The following CACNA1C variants were observed in gnomAD, a reference collection of about 807,000 sequenced individuals.
CACNA1C encodes the protein voltage-dependent L-type calcium channel subunit alpha-1C.
CACNA1C carries 30 observed loss-of-function variants against 229.0 expected under a neutral mutation model. The observed-to-expected ratio is 0.13, with a 90% CI of 0.10 to 0.18. The LOEUF (loss-of-function observed/expected upper bound fraction) is 0.18, where lower values mean the gene tolerates loss of function less well. Among genes scored for constraint, CACNA1C ranks in the 10% least tolerant of loss-of-function variants. The pLI is 1.00. For missense variants in CACNA1C, 1,658 were observed against 2,845.0 expected (o/e 0.58, Z 9.49); for synonymous variants, 1,114 against 1,132.5 (o/e 0.98, Z 0.33).
At chr12:2,365,401 G>A (rs544303411) in intron 3 of CACNA1C, among the ~76,000 whole-genome samples, 7 of 152,156 alleles carry the variant, frequency 4.6e-5, no homozygotes, top group Non-Finnish European at 1.0e-4. Flanking sequence ...TTTTATTAAG[G>A]CACTGAGGGG....
chr12:2,605,049 A>C lies in CACNA1C; in HGVS notation c.2961-32A>C. The stretch of plus-strand genomic sequence containing the variant: ...TTTTGCTCCCCCCAGAAACAGGAGG[A>C]GCTTACTACCCTGCCTGTTTCCCTC... On this transcript the variant is annotated intron_variant, in intron 22 of 46. Coordinates refer to ENST00000399655, the MANE Select transcript of CACNA1C (RefSeq NM_000719.7). The surrounding 1 kb of genome is among the most constrained non-coding windows in gnomAD (Gnocchi z 6.2). 1 of 1,532,328 alleles carries C rather than the reference A, an allele frequency of 6.5e-7. No individual in the cohort carries two copies. Among genetic ancestry groups the C allele is most frequent in the Non-Finnish European group, 9.0e-7 (1 of 1,105,528 alleles). 94.9% of individuals were successfully genotyped at this position (1,532,328 alleles called of 1,614,324 possible). A position where few individuals can be genotyped will look rare whatever the true frequency, so the allele number is the denominator to read the frequency against.
At chr12:2,248,809 T>C (rs1267982061) in intron 3 of CACNA1C, among the ~76,000 whole-genome samples, 1 of 152,250 alleles carries the variant, frequency 6.6e-6, no homozygotes, top group African/African-American at 2.4e-5. Flanking sequence ...GGTTCTATTA[T>C]GGCTCTAATA....
intron 3 of CACNA1C, among the ~76,000 whole-genome samples, chr12:2,236,672 A>C (rs2067504351): frequency 6.6e-6 from 1 of 152,170 alleles, no homozygotes; most frequent in Admixed American, 6.5e-5. Flanking sequence ...AGCAGTGTGC[A>C]AGGGATCAGA....
chr12:2,332,599 T>G (rs1192608299), intron 3 of CACNA1C, among the ~76,000 whole-genome samples: 1 of 152,208 alleles, frequency 6.6e-6, no homozygotes, highest in Non-Finnish European at 1.5e-5. Flanking sequence ...TATGCACAAG[T>G]ATCTTATGAC....
chr12:2,136,122 G>A (rs564679173), intron 3 of CACNA1C, among the ~76,000 whole-genome samples: 5 of 151,126 alleles, frequency 3.3e-5, no homozygotes, highest in Admixed American at 1.3e-4. Flanking sequence ...CTCCCTGACC[G>A]CTTGCGCTTC....
intron 3 of CACNA1C, among the ~76,000 whole-genome samples, chr12:2,420,148 T>TGTGTGTGTGTGTGTGTGTGTGTGTGTGG (rs58661833): frequency 8.0e-6 from 1 of 125,746 alleles, no homozygotes; most frequent in African/African-American, 2.7e-5. Context: ...TGTGTGTGTG[T>TGTGTGTGTGTGTGTGTGTGTGTGTGTGG]AGGGGGAGGG....
intron 3 of CACNA1C, among the ~76,000 whole-genome samples, chr12:2,153,873 T>A (rs1053777832): frequency 1.3e-5 from 2 of 152,242 alleles, no homozygotes; most frequent in Non-Finnish European, 2.9e-5. Flanking sequence ...ATATTAACTG[T>A]CTCAGAGAAG....
chr12:2,022,162 C>A (rs1194070549), intron 1 of CACNA1C, among the ~76,000 whole-genome samples: 2 of 152,110 alleles, frequency 1.3e-5, no homozygotes. Context: ...TTGACAGGGT[C>A]CCAGCATGAG....
intron 29 of CACNA1C, among the ~76,000 whole-genome samples, chr12:2,618,647 A>G (rs1328732880): frequency 6.6e-6 from 1 of 152,208 alleles, no homozygotes; most frequent in Non-Finnish European, 1.5e-5. Flanking sequence ...ATCAGGCCTG[A>G]GCTGAGCCTG....
chr12:2,642,260 T>A (rs1348917711), intron 30 of CACNA1C, among the ~76,000 whole-genome samples: 1 of 152,148 alleles, frequency 6.6e-6, no homozygotes, highest in East Asian at 1.9e-4. Flanking sequence ...ACTTTTTGTT[T>A]CCCTCAAATG....
chr12:2,580,118 C>G (rs2153220385), intron 13 of CACNA1C, among the ~76,000 whole-genome samples: 1 of 152,334 alleles, frequency 6.6e-6, no homozygotes, highest in Admixed American at 6.5e-5. Context: ...ACCCTGCAAT[C>G]TTCTGCCGTC....
chr12:2,062,021 A>G (rs2057690673), intron 1 of CACNA1C, among the ~76,000 whole-genome samples: 1 of 152,236 alleles, frequency 6.6e-6, no homozygotes, highest in Non-Finnish European at 1.5e-5. Context: ...TTAGTTTCCC[A>G]AAGCAAAAAT....
upstream of CACNA1C, among the ~76,000 whole-genome samples, chr12:2,051,491 A>G (rs1457274953): frequency 6.6e-6 from 1 of 152,208 alleles, no homozygotes; most frequent in African/African-American, 2.4e-5. Context: ...TGTATTGAGA[A>G]AATACCAGAG....
At chr12:2,641,251 A>G (rs1270937420) in intron 30 of CACNA1C, among the ~76,000 whole-genome samples, 1 of 152,156 alleles carries the variant, frequency 6.6e-6, no homozygotes, top group Non-Finnish European at 1.5e-5. Context: ...ATGTTGCTTG[A>G]GGATATACAA....
intron 7 of CACNA1C, among the ~76,000 whole-genome samples, chr12:2,498,008 C>G (rs1332529443): frequency 1.3e-5 from 2 of 150,934 alleles, no homozygotes. Context: ...CACACAACAG[C>G]TATTAATCTC....
intron 1 of CACNA1C, among the ~76,000 whole-genome samples, chr12:1,989,452 C>T (rs760243872): frequency 5.9e-5 from 9 of 152,210 alleles, no homozygotes; most frequent in Non-Finnish European, 8.8e-5. Flanking sequence ...TGGTGGCTCA[C>T]GCCTATAATC....
intron 28 of CACNA1C, 74 bp from the exon 29 acceptor site, chr12:2,611,829 G>A: frequency 2.1e-6 from 2 of 940,948 alleles, no homozygotes. Context: ...CCTTCGAGAA[G>A]GCTGGGCAAA....
chr12:2,271,801 C>A (rs149536445), intron 3 of CACNA1C, among the ~76,000 whole-genome samples: 1 of 151,788 alleles, frequency 6.6e-6, no homozygotes, highest in African/African-American at 2.4e-5. Flanking sequence ...GAGGCTAAGG[C>A]AGGAGGATTG....
At chr12:2,126,102 A>T (rs2089920358) in intron 3 of CACNA1C, among the ~76,000 whole-genome samples, 2 of 151,968 alleles carry the variant, frequency 1.3e-5, no homozygotes, top group African/African-American at 4.9e-5. Context: ...CCAAGAGATG[A>T]AAAGTATTCC....
Sources: gnomAD v4.1 joint callset for allele counts (sites outside exome capture counted in the v4.1 genomes callset) on GRCh38, gnomAD v4.1.1 for gene constraint, Gnocchi (gnomAD v3.1) non-coding constraint, MANE v1.5 for transcripts, NCBI Gene and HGNC (gene_info 2026-07-23, HGNC 2026-07-21) for gene names.